Variants in ZDHHC7 observed in about 807,000 individuals in gnomAD.
ZDHHC7 encodes the protein zDHHC palmitoyltransferase 7.
Under a neutral mutation model 34.1 loss-of-function variants are expected in ZDHHC7, and 12 were observed. The ratio of observed to expected loss-of-function variants is 0.35; its 90% CI spans 0.23 to 0.57. The LOEUF (loss-of-function observed/expected upper bound fraction) is 0.57. Among genes scored for constraint, ZDHHC7 ranks in the 20% least tolerant of loss-of-function variants. ZDHHC7 has a pLI of 0.84. For missense variants in ZDHHC7, 388 were observed against 402.7 expected (o/e 0.96, Z 0.31); for synonymous variants, 185 against 155.4 (o/e 1.19, Z -1.42).
At chr16:84,993,194 G>A (rs1379009886) in intron 2 of ZDHHC7, among the ~76,000 whole-genome samples, 3 of 151,340 alleles carry the variant, frequency 2.0e-5, no homozygotes, top group Admixed American at 1.3e-4. Context: ...GGTGGCTTGC[G>A]CTTATAGTCC....
upstream of ZDHHC7, among the ~76,000 whole-genome samples, chr16:85,013,066 T>C (rs914753510): frequency 6.6e-6 from 1 of 152,172 alleles, no homozygotes; most frequent in African/African-American, 2.4e-5. Flanking sequence ...AATTCACCTT[T>C]ACTGGACATT....
At chr16:84,984,461 A>G (rs2072411195) in intron 3 of ZDHHC7, among the ~76,000 whole-genome samples, 1 of 152,190 alleles carries the variant, frequency 6.6e-6, no homozygotes, top group Admixed American at 6.5e-5. Context: ...GCCAGATTTT[A>G]AAACTCCAAA....
At chr16:85,027,539 C>G in the ZDHHC7 span, among the ~76,000 whole-genome samples, 2 of 152,230 alleles carry the variant, frequency 1.3e-5, no homozygotes, top group Non-Finnish European at 2.9e-5. Context: ...TCCCAGAGTC[C>G]GAGAACACCC....
chr16:85,013,011 A>G (rs1597572303), upstream of ZDHHC7, among the ~76,000 whole-genome samples: 1 of 152,214 alleles, frequency 6.6e-6, no homozygotes, highest in South Asian at 2.1e-4. Flanking sequence ...CAAATGCAGG[A>G]AAAGTTCTCT....
Position 84,979,169 on chromosome 16 carries a change from AC to A in ZDHHC7, c.537+19del, listed in dbSNP as rs1233642260. The stretch of plus-strand genomic sequence containing the variant: ...ATTTCAAATTCAATGTAAATTCAAT[AC>A]AAAAATATTTTTACTTACAGTGAAG... On this transcript the variant is annotated intron_variant, in intron 5 of 7. Transcript: ENST00000313732. The A allele has an allele frequency of 1.3e-6, 2 of 1,580,746 alleles. No homozygotes were observed. Among genetic ancestry groups the A allele is most frequent in the African/African-American group, 2.7e-5 (2 of 72,916 alleles).
chr16:84,991,411 G>A (rs563456147), intron 2 of ZDHHC7, among the ~76,000 whole-genome samples: 34 of 150,966 alleles, frequency 2.3e-4, no homozygotes, highest in African/African-American at 7.8e-4. Flanking sequence ...TCAGCCTCCC[G>A]AGTAGCTGGG....
chr16:85,000,230 G>GT (rs541793182), intron 1 of ZDHHC7, among the ~76,000 whole-genome samples: 7 of 152,258 alleles, frequency 4.6e-5, no homozygotes, highest in Admixed American at 2.6e-4. Context: ...CCCAGCACAG[G>GT]TATGTACGGC....
In ZDHHC7 at chr16:84,977,955, C is replaced by T. The variant is rs750218994; in HGVS notation, c.588G>A (p.Gln196=). 1.1e-5 allele frequency: 17 copies of T among 1,614,126 alleles called. No homozygotes were observed. The highest frequency in any genetic ancestry group is 1.4e-5 in the Non-Finnish European group (17 of 1,179,996). Residue 196 remains glutamine, a synonymous_variant, in exon 6 of 8, where the codon CAG becomes CAA. Transcript: ENST00000313732. ...ACTGCCCTCGGACACAGGAGATGAA[C>T]TGAAATCCACAAAGGATCAGAGCAT... ...SVHALILCGF[Q]FISCVRGQWT... is the part of the protein sequence containing the mutation.
At position 84,974,626 on chromosome 16, in the gene ZDHHC7, C is replaced by A. The variant is rs1204203619; in HGVS notation, c.*1717G>T. 1.3e-5 allele frequency: 2 copies of A among 152,658 alleles called. No homozygotes were observed. Among genetic ancestry groups the A allele is most frequent in the African/African-American group, 4.8e-5 (2 of 41,450 alleles). 9.5% of individuals were successfully genotyped at this position (152,658 alleles called of 1,614,324 possible). On this transcript the variant is annotated 3_prime_UTR_variant, in exon 8 of 8. Coordinates refer to ENST00000313732, the MANE Select transcript of ZDHHC7 (RefSeq NM_017740.3). Reference sequence around the variant, plus strand: ...CAGGATATACATATTAAAAGCCTCACACTGAAGCCCACACGCATGTCCAAC... The same window carrying A: ...CAGGATATACATATTAAAAGCCTCAAACTGAAGCCCACACGCATGTCCAAC...
intron 2 of ZDHHC7, among the ~76,000 whole-genome samples, chr16:84,992,829 G>C (rs1218704214): frequency 6.6e-6 from 1 of 152,110 alleles, no homozygotes; most frequent in Non-Finnish European, 1.5e-5. Context: ...TTTCAAATCT[G>C]GGTGTGACTT....
chr16:85,021,556 C>G, the ZDHHC7 span, among the ~76,000 whole-genome samples: 3 of 150,804 alleles, frequency 2.0e-5, no homozygotes, highest in African/African-American at 7.3e-5. Context: ...TAAAGAAAAA[C>G]AAATACAAAA....
At chr16:84,997,824 C>T (rs1177111126) in intron 1 of ZDHHC7, among the ~76,000 whole-genome samples, 1 of 136,346 alleles carries the variant, frequency 7.3e-6, no homozygotes, top group Non-Finnish European at 1.5e-5. Context: ...ACCCGGGATG[C>T]GGAGCTTGCA....
chr16:84,984,291 G>A (rs149854160), intron 3 of ZDHHC7, among the ~76,000 whole-genome samples: 1 of 152,118 alleles, frequency 6.6e-6, no homozygotes, highest in African/African-American at 2.4e-5. Flanking sequence ...AAAGTGCTAG[G>A]ATTACAGGTA....
chr16:84,989,128 T>C (rs181191128), intron 3 of ZDHHC7, among the ~76,000 whole-genome samples: 170 of 152,326 alleles, frequency 1.1e-3, no homozygotes, highest in African/African-American at 3.4e-3. Flanking sequence ...GACTCAGTTA[T>C]GGTCAAAGAC....
intron 6 of ZDHHC7, 69 bp from the exon 7 acceptor site, chr16:84,977,294 G>T: frequency 6.3e-7 from 1 of 1,586,574 alleles, no homozygotes; most frequent in Non-Finnish European, 8.6e-7. Context: ...TTGGCTCAGA[G>T]AAGAATCCTC....
intron 4 of ZDHHC7, 135 bp downstream of exon 4, chr16:84,981,735 G>A (rs1044657926): frequency 1.5e-5 from 23 of 1,524,692 alleles, no homozygotes; most frequent in South Asian, 1.0e-4. Context: ...TGACACCTAC[G>A]GCCCCGCCCG....
intron 3 of ZDHHC7, among the ~76,000 whole-genome samples, chr16:84,990,058 A>G (rs1454950092): frequency 6.6e-6 from 1 of 152,190 alleles, no homozygotes; most frequent in Non-Finnish European, 1.5e-5. Context: ...CTGAAAGCCC[A>G]GCTGGAAGCT....
At chr16:85,024,390 C>G in the ZDHHC7 span, among the ~76,000 whole-genome samples, 1 of 151,068 alleles carries the variant, frequency 6.6e-6, no homozygotes, top group Non-Finnish European at 1.5e-5. Context: ...CGCCACCATG[C>G]CCAGCTAATG....
Position 84,976,131 on chromosome 16 carries a change from C to T in ZDHHC7, c.*212G>A. 3.2e-6 allele frequency: 2 copies of T among 627,380 alleles called. No individual in the cohort carries two copies. Among genetic ancestry groups the T allele is most frequent in the Non-Finnish European group, 5.3e-6 (2 of 377,594 alleles). The allele number at this position is 627,380 out of a possible 1,614,324, so 38.9% of individuals were successfully genotyped here. On this transcript the variant is annotated 3_prime_UTR_variant, in exon 8 of 8. Coordinates refer to ENST00000313732, the MANE Select transcript of ZDHHC7 (RefSeq NM_017740.3). ...ACGGCGTTTGGCTTCTTCGTGTGGC[C>T]ACACACCTTTCCGTTGTTGTACAGG...
Sources: allele counts gnomAD v4.1 joint callset (sites outside exome capture counted in the v4.1 genomes callset), GRCh38; gene constraint gnomAD v4.1.1; transcripts MANE v1.5; gene names NCBI Gene and HGNC (gene_info 2026-07-23, HGNC 2026-07-21).